MAPK8: variants seen among roughly 807,000 people sequenced by gnomAD.
The protein encoded by MAPK8 is JUN N-terminal kinase.
MAPK8 carries 13 observed loss-of-function variants against 52.9 expected under a neutral mutation model. The ratio of observed to expected loss-of-function variants is 0.25; its 90% CI spans 0.16 to 0.39. MAPK8 has a LOEUF of 0.39. Among genes scored for constraint, MAPK8 ranks in the 10% least tolerant of loss-of-function variants. The pLI, the probability that MAPK8 is intolerant of heterozygous loss-of-function variation, is 1.00. For missense variants in MAPK8, 300 were observed against 519.2 expected, an observed-to-expected ratio of 0.58 and a Z score of 4.10; for synonymous variants, 191 against 169.8, an observed-to-expected ratio of 1.12 and a Z score of -0.97.
intron 1 of MAPK8, among the ~76,000 whole-genome samples, chr10:48,307,752 T>G (rs1411644578): frequency 6.6e-6 from 1 of 152,216 alleles, no homozygotes; most frequent in Non-Finnish European, 1.5e-5. Context: ...CAGTCCATTG[T>G]GTTTTGAGAT....
chr10:48,363,523 C>G (rs1007780733), intron 1 of MAPK8, among the ~76,000 whole-genome samples: 6 of 152,074 alleles, frequency 3.9e-5, no homozygotes, highest in African/African-American at 1.4e-4. Flanking sequence ...TGAACTCTAC[C>G]CTGAAAAATT....
intron 1 of MAPK8, among the ~76,000 whole-genome samples, chr10:48,379,624 G>A (rs2040868454): frequency 1.3e-5 from 2 of 152,024 alleles, no homozygotes; most frequent in Admixed American, 6.6e-5. Flanking sequence ...TGTGGACTCT[G>A]GCAAAACAAA....
chr10:48,371,665 A>G (rs1263763390), intron 1 of MAPK8, among the ~76,000 whole-genome samples: 1 of 152,032 alleles, frequency 6.6e-6, no homozygotes, highest in African/African-American at 2.4e-5. Flanking sequence ...TTCTGATTCA[A>G]TTCTATTCTG....
In MAPK8 at chr10:48,435,059, T is replaced by TTGGGTG; in HGVS notation, c.*30_*31insTGGGTG. The stretch of plus-strand genomic sequence containing the variant: ...TTGGGCCATCGGGGGGTGGGAGGGA[T>TTGGGTG]GGGGAGTCGGTTAGTCATTGATAGA... On this transcript the variant is annotated 3_prime_UTR_variant, in exon 12 of 12. Coordinates refer to ENST00000374189, the MANE Select transcript of MAPK8 (RefSeq NM_001323329.2). 2.2e-6 allele frequency: 1 copy of TTGGGTG among 448,006 alleles called. No homozygotes were observed. Among genetic ancestry groups the TTGGGTG allele is most frequent in the African/African-American group, 2.2e-5 (1 of 46,434 alleles). The allele number at this position is 448,006 out of a possible 1,614,324, so 27.8% of individuals were successfully genotyped here.
chr10:48,349,525 G>C (rs759438368), intron 1 of MAPK8, among the ~76,000 whole-genome samples: 2 of 152,124 alleles, frequency 1.3e-5, no homozygotes, highest in African/African-American at 4.8e-5. Flanking sequence ...TGACTACTGG[G>C]TAAATAATGA....
At chr10:48,381,747 G>C (rs1029867706) in intron 1 of MAPK8, among the ~76,000 whole-genome samples, 1 of 151,944 alleles carries the variant, frequency 6.6e-6, no homozygotes, top group Non-Finnish European at 1.5e-5. Context: ...TAATGTTTTT[G>C]TATCTTAATG....
chr10:48,406,159 G>C (rs1275993063), intron 3 of MAPK8, among the ~76,000 whole-genome samples: 1 of 152,152 alleles, frequency 6.6e-6, no homozygotes, highest in Non-Finnish European at 1.5e-5. Flanking sequence ...TGAAGGAAAG[G>C]AGCCTTCAGA....
intron 1 of MAPK8, among the ~76,000 whole-genome samples, chr10:48,339,881 A>G (rs182462458): frequency 6.6e-6 from 1 of 152,350 alleles, no homozygotes; most frequent in African/African-American, 2.4e-5. Flanking sequence ...GATGGCTGTT[A>G]TTAAAAAGTA....
intron 1 of MAPK8, among the ~76,000 whole-genome samples, chr10:48,367,979 C>A (rs1259805017): frequency 1.3e-5 from 2 of 152,048 alleles, no homozygotes; most frequent in Non-Finnish European, 1.5e-5. Context: ...ATTACAATAC[C>A]TACTTGCTAC....
At chr10:48,347,179 C>T (rs1021863126) in intron 1 of MAPK8, among the ~76,000 whole-genome samples, 4 of 152,134 alleles carry the variant, frequency 2.6e-5, no homozygotes, top group African/African-American at 9.7e-5. Flanking sequence ...TGCACTTCCA[C>T]CCCCCACTAG....
In MAPK8 at chr10:48,314,386, T is replaced by A. The variant is rs73293144; in HGVS notation, c.-50+7565T>A. 3.4e-3 allele frequency among the ~76,000 whole-genome samples: 524 copies of A among 152,226 alleles called. 4 individuals are homozygous for A. Among genetic ancestry groups the A allele is most frequent in the African/African-American group, 0.012 (512 of 41,538 alleles). ...AGTTAGAGGGTAGGCCTTCAACATA[T>A]GAATTTGGAGGGACACAGACAGTCC... is the stretch of plus-strand genomic sequence containing the variant. On this transcript the variant is annotated intron_variant, in intron 1 of 11. Transcript: ENST00000374189.
At chr10:48,421,798 T>C (rs994619393) in intron 6 of MAPK8, among the ~76,000 whole-genome samples, 1 of 152,062 alleles carries the variant, frequency 6.6e-6, no homozygotes. Flanking sequence ...AGCAAGACTC[T>C]GTCTCAAAAA....
intron 1 of MAPK8, among the ~76,000 whole-genome samples, chr10:48,376,302 C>T (rs2040658087): frequency 6.6e-6 from 1 of 152,160 alleles, no homozygotes; most frequent in South Asian, 2.1e-4. Flanking sequence ...AAAACCTAGG[C>T]AGTACCATTC....
chr10:48,323,690 A>G (rs989565103), intron 1 of MAPK8, among the ~76,000 whole-genome samples: 2 of 152,224 alleles, frequency 1.3e-5, no homozygotes, highest in African/African-American at 4.8e-5. Context: ...ATACATCTTA[A>G]TCATTATAAT....
At chr10:48,309,733 T>C (rs1426913743) in intron 1 of MAPK8, among the ~76,000 whole-genome samples, 1 of 152,192 alleles carries the variant, frequency 6.6e-6, no homozygotes, top group Non-Finnish European at 1.5e-5. Flanking sequence ...GCGGGTTGAA[T>C]TTTGACATAT....
intron 1 of MAPK8, among the ~76,000 whole-genome samples, chr10:48,315,826 C>T: frequency 6.6e-6 from 1 of 151,664 alleles, no homozygotes; most frequent in Non-Finnish European, 1.5e-5. Flanking sequence ...CTCCTCCCTC[C>T]CCCAACTTTT....
intron 11 of MAPK8, among the ~76,000 whole-genome samples, chr10:48,431,901 ATACTT>A (rs1307544303): frequency 6.6e-6 from 1 of 152,228 alleles, no homozygotes; most frequent in Non-Finnish European, 1.5e-5. Context: ...AGTGGTTTAT[ATACTT>A]TATTTCATTC....
intron 3 of MAPK8, among the ~76,000 whole-genome samples, chr10:48,409,262 A>G (rs1319111549): frequency 6.6e-6 from 1 of 152,228 alleles, no homozygotes; most frequent in African/African-American, 2.4e-5. Flanking sequence ...ATTATGGTGC[A>G]TATACTGAAA....
intron 1 of MAPK8, among the ~76,000 whole-genome samples, chr10:48,335,062 T>A (rs1844558975): frequency 6.6e-6 from 1 of 152,186 alleles, no homozygotes; most frequent in Non-Finnish European, 1.5e-5. Context: ...TACATTCTGA[T>A]CACTTATAGT....
Sources: gnomAD v4.1 joint callset for allele counts (sites outside exome capture counted in the v4.1 genomes callset) on GRCh38, gnomAD v4.1.1 for gene constraint, MANE v1.5 for transcripts, NCBI Gene and HGNC (gene_info 2026-07-23, HGNC 2026-07-21) for gene names.